The following PCDHGB2 variants were observed in gnomAD, a reference collection of about 807,000 sequenced individuals.
PCDHGB2 encodes protocadherin gamma-B2.
A neutral mutation model predicts 59.3 loss-of-function variants in PCDHGB2; 55 were observed. The ratio of observed to expected loss-of-function variants is 0.93; its 90% CI spans 0.75 to 1.16. The LOEUF (loss-of-function observed/expected upper bound fraction) is 1.16, where lower values mean the gene tolerates loss of function less well. PCDHGB2 is among the 50% of genes most tolerant of loss of function. PCDHGB2 has a pLI of 0.00. For synonymous variants in PCDHGB2, 516 were observed against 512.0 expected (o/e 1.01, Z -0.11); for missense variants, 1,228 against 1,198.5 (o/e 1.02, Z -0.36).
chr5:141,395,127 C>T (rs767438347), intron 1 of PCDHGB2: 2 of 1,614,200 alleles, frequency 1.2e-6, no homozygotes, highest in African/African-American at 1.3e-5. Context: ...GATCTTTCCC[C>T]AGCCCAACTA....
chr5:141,389,490 G>T, intron 1 of PCDHGB2: 1 of 1,613,044 alleles, frequency 6.2e-7, no homozygotes, highest in South Asian at 1.1e-5. Flanking sequence ...CCGCGACCAG[G>T]GCTCGCCAGC....
chr5:141,464,419 A>C (rs2099083824), intron 1 of PCDHGB2, among the ~76,000 whole-genome samples: 1 of 151,658 alleles, frequency 6.6e-6, no homozygotes, highest in Non-Finnish European at 1.5e-5. Flanking sequence ...ATATATCTAT[A>C]TATATAGATA....
At chr5:141,509,081 A>G (rs1279221589) in intron 3 of PCDHGB2, among the ~76,000 whole-genome samples, 1 of 152,160 alleles carries the variant, frequency 6.6e-6, no homozygotes, top group African/African-American at 2.4e-5. Flanking sequence ...GATTTGCGAC[A>G]TGAAATGGGG....
At chr5:141,510,589 A>G (rs1043188276) in intron 3 of PCDHGB2, among the ~76,000 whole-genome samples, 2 of 152,194 alleles carry the variant, frequency 1.3e-5, no homozygotes, top group African/African-American at 2.4e-5. Context: ...CGTACCTGAC[A>G]TACATTTTCT....
At chr5:141,423,927 T>G (rs2096791636) in intron 1 of PCDHGB2, 4 of 1,240,434 alleles carry the variant, frequency 3.2e-6, no homozygotes, top group Non-Finnish European at 4.1e-6. Flanking sequence ...TATGCTGGTT[T>G]GGTTTGAAGT....
At position 141,361,522 on chromosome 5, in the gene PCDHGB2, G is replaced by A; in HGVS notation, c.1387G>A (p.Glu463Lys). Reference sequence around the variant, plus strand: ...GACTTCCTACATGGTTCACGTGGCAGAGAACAATCCTCCTGGCGCCTCTAT... The same window carrying A: ...GACTTCCTACATGGTTCACGTGGCAAAGAACAATCCTCCTGGCGCCTCTAT... ...QQTSYMVHVA[E>K]NNPPGASIAQ... The change falls in exon 1 of 4, where the codon GAG (glutamate) becomes AAG (lysine). Residue 463 changes from glutamate (E) to lysine (K), a missense_variant. Transcript: ENST00000522605. 2 of 1,614,054 alleles carry A rather than the reference G, an allele frequency of 1.2e-6. No homozygotes were observed. Among genetic ancestry groups the A allele is most frequent in the Non-Finnish European group, 1.7e-6 (2 of 1,179,900 alleles).
chr5:141,365,097 C>T (rs1763734709), intron 1 of PCDHGB2: 6 of 1,613,888 alleles, frequency 3.7e-6, no homozygotes, highest in East Asian at 2.2e-5. Flanking sequence ...GAGAACATAC[C>T]TGTGGGCACT....
rs2154573815 is a variant in PCDHGB2 at position 141,475,798 on chromosome 5, CAAAGG to C, written c.2422-19004_2422-19000del. ...TTGGCTGGAAACTCTGGAAGGAAGC[CAAAGG>C]AAAGTGAAGTTCCTGGCGCTAGCGC... On this transcript the variant is annotated intron_variant, in intron 1 of 3. Coordinates refer to ENST00000522605, the MANE Select transcript of PCDHGB2 (RefSeq NM_018923.3). The C allele has an allele frequency of 9.7e-6, 3 of 309,052 alleles. No homozygotes were observed. The South Asian group carries it at 2.0e-4, about 21-fold the overall frequency. 19.1% of individuals were successfully genotyped at this position (309,052 alleles called of 1,614,324 possible).
chr5:141,472,188 G>C (rs779077950), intron 1 of PCDHGB2, among the ~76,000 whole-genome samples: 4 of 152,168 alleles, frequency 2.6e-5, no homozygotes, highest in Middle Eastern at 3.2e-3. Context: ...ATTGGAATTT[G>C]AATCTTTTTG....
At position 141,404,691 on chromosome 5, in the gene PCDHGB2, G is replaced by T. The variant is rs200601931; in HGVS notation, c.2421+42135G>T. ...TCTACTGGTGTGGAGCTGGCACCCC[G>T]CTCTGCAGAGCCTGGCTACCTGGTG... On this transcript the variant is annotated intron_variant, in intron 1 of 3. Transcript: ENST00000522605. 28 of 1,613,996 alleles carry T rather than the reference G, an allele frequency of 1.7e-5. No individual in the cohort carries two copies. The highest frequency in any genetic ancestry group is 1.6e-4 in the Middle Eastern group (1 of 6,062).
Position 141,431,248 on chromosome 5 carries a change from G to A in PCDHGB2, c.2422-63559G>A. ...CCCACGCCTGGGATCCGGATATCGGGAAGAACTCTCTGCAGAGCTACGAGC... is the reference window on the plus strand; with the variant it reads ...CCCACGCCTGGGATCCGGATATCGGAAAGAACTCTCTGCAGAGCTACGAGC... On this transcript the variant is annotated intron_variant, in intron 1 of 3. Transcript: ENST00000522605. This position sits in a 1 kb window ranked among gnomAD's most constrained non-coding sequence, Gnocchi z 4.8. 2 of 1,614,140 alleles carry A rather than the reference G, an allele frequency of 1.2e-6. No homozygotes were observed. Among genetic ancestry groups the A allele is most frequent in the Non-Finnish European group, 1.7e-6 (2 of 1,180,048 alleles).
At chr5:141,387,529 T>C (rs933925608) in intron 1 of PCDHGB2, among the ~76,000 whole-genome samples, 2 of 152,236 alleles carry the variant, frequency 1.3e-5, no homozygotes, top group East Asian at 1.9e-4. Flanking sequence ...TACAGACGTA[T>C]CCACGTAGTT....
intron 1 of PCDHGB2, chr5:141,412,147 G>C (rs1447265509): frequency 6.6e-6 from 1 of 152,176 alleles, no homozygotes; most frequent in East Asian, 1.9e-4. Context: ...GATACAAACT[G>C]CCTAAGAGAA....
intron 1 of PCDHGB2, among the ~76,000 whole-genome samples, chr5:141,402,570 C>G (rs947118867): frequency 1.3e-5 from 2 of 152,138 alleles, no homozygotes; most frequent in Admixed American, 1.3e-4. Flanking sequence ...TTATTTACAA[C>G]TCAGATATCT....
chr5:141,432,084 T>A lies in PCDHGB2; in HGVS notation c.2422-62723T>A, dbSNP rs1372151428. 1.2e-6 allele frequency: 2 copies of A among 1,614,186 alleles called. No individual in the cohort carries two copies. Among genetic ancestry groups the A allele is most frequent in the Admixed American group, 1.7e-5 (1 of 60,022 alleles). On this transcript the variant is annotated intron_variant, in intron 1 of 3. Transcript: ENST00000522605. This position sits in a 1 kb window ranked among gnomAD's most constrained non-coding sequence, Gnocchi z 6.0. Reference sequence around the variant, plus strand: ...ACGGAAACTCATATCTCGCTGAACGTGGCAGACACCAACGACAACCCGCCG... The same window carrying A: ...ACGGAAACTCATATCTCGCTGAACGAGGCAGACACCAACGACAACCCGCCG...
At chr5:141,377,254 T>A (rs1332272982) in intron 1 of PCDHGB2, 1 of 149,056 alleles carries the variant, frequency 6.7e-6, no homozygotes, top group Non-Finnish European at 1.5e-5. Flanking sequence ...TGTAAGGTTC[T>A]TTCTTTTTCT....
chr5:141,410,544 G>T, intron 1 of PCDHGB2: 1 of 1,613,640 alleles, frequency 6.2e-7, no homozygotes, highest in Non-Finnish European at 8.5e-7. Flanking sequence ...GACATGGTTT[G>T]CAGTGTTTCT....
In PCDHGB2 at chr5:141,390,225, G is replaced by A. The variant is rs886390636; in HGVS notation, c.2421+27669G>A. 25 of 1,613,922 alleles carry A rather than the reference G, an allele frequency of 1.5e-5. No individual in the cohort carries two copies. Among genetic ancestry groups the A allele is most frequent in the Non-Finnish European group, 1.9e-5 (23 of 1,179,908 alleles). On this transcript the variant is annotated intron_variant, in intron 1 of 3. Transcript: ENST00000522605. Reference sequence around the variant, plus strand: ...TTCAGGACAAGACATACTTTGCGGTGATTCATCTGGGGCCTTATTTCCACT... The same window carrying A: ...TTCAGGACAAGACATACTTTGCGGTAATTCATCTGGGGCCTTATTTCCACT...
chr5:141,419,032 A>G (rs1421513275), intron 1 of PCDHGB2: 2 of 1,614,004 alleles, frequency 1.2e-6, no homozygotes, highest in Non-Finnish European at 1.7e-6. Flanking sequence ...GAGGTGTTCC[A>G]TTTAAGATTC....
Sources: gnomAD v4.1 joint callset for allele counts (sites outside exome capture counted in the v4.1 genomes callset) on GRCh38, gnomAD v4.1.1 for gene constraint, Gnocchi (gnomAD v3.1) non-coding constraint, MANE v1.5 for transcripts, NCBI Gene and HGNC (gene_info 2026-07-23, HGNC 2026-07-21) for gene names.